The following NUTF2 variants were observed in gnomAD, a reference collection of about 807,000 sequenced individuals.
NUTF2 encodes nuclear transport factor 2, also known as placental protein 15.
A neutral mutation model predicts 18.5 loss-of-function variants in NUTF2; 3 were observed. The observed-to-expected ratio is 0.16, with a 90% CI of 0.07 to 0.42. The LOEUF (loss-of-function observed/expected upper bound fraction) is 0.42, where lower values mean the gene tolerates loss of function less well. Ranked by LOEUF, NUTF2 falls within the 10% of genes least tolerant of loss-of-function variation. NUTF2 has a pLI of 0.99. For missense variants in NUTF2, 44 were observed against 160.7 expected, an observed-to-expected ratio of 0.27 and a Z score of 3.93; for synonymous variants, 51 against 57.9, an observed-to-expected ratio of 0.88 and a Z score of 0.54.
At chr16:67,856,668 A>G (rs897184299) in intron 1 of NUTF2, among the ~76,000 whole-genome samples, 2 of 150,690 alleles carry the variant, frequency 1.3e-5, no homozygotes, top group East Asian at 2.0e-4. Context: ...GCCACCACAC[A>G]TGGCCAATTT....
chr16:67,854,865 C>T (rs981934954), intron 1 of NUTF2, among the ~76,000 whole-genome samples: 3 of 152,080 alleles, frequency 2.0e-5, no homozygotes, highest in African/African-American at 7.2e-5. Context: ...TTGCTTGAAC[C>T]TGGGAGGCGG....
At chr16:67,867,391 AAGACTC>A (rs1419363066) in intron 2 of NUTF2, among the ~76,000 whole-genome samples, 2 of 152,256 alleles carry the variant, frequency 1.3e-5, no homozygotes, top group African/African-American at 2.4e-5. Flanking sequence ...TTAGGAAACT[AAGACTC>A]AGAGAAATAA....
intron 4 of NUTF2, 166 bp from the exon 5 acceptor site, chr16:67,870,634 T>A (rs2058004964): frequency 7.7e-6 from 5 of 652,630 alleles, no homozygotes. Flanking sequence ...GTTTCATACA[T>A]TACATCAATT....
rs1158467208 is a variant in NUTF2 at position 67,872,452 on chromosome 16, G to C, written c.*1539G>C. 6.6e-6 allele frequency: 1 copy of C among 152,366 alleles called. No homozygotes were observed. Among genetic ancestry groups the C allele is most frequent in the East Asian group, 1.9e-4 (1 of 5,208 alleles). The allele number at this position is 152,366 out of a possible 1,614,324, so 9.4% of individuals were successfully genotyped here. A position where few individuals can be genotyped will look rare whatever the true frequency, so the allele number is the denominator to read the frequency against. ...TAGGCTGATGTGTATTTGGGGAAGT[G>C]GGGGTGGGGAAGAGGTAGGTGCCTG... On this transcript the variant is annotated 3_prime_UTR_variant, in exon 5 of 5. Transcript: ENST00000219169.
intron 1 of NUTF2, among the ~76,000 whole-genome samples, chr16:67,848,210 C>T (rs1050690249): frequency 6.6e-6 from 1 of 152,108 alleles, no homozygotes; most frequent in Non-Finnish European, 1.5e-5. Context: ...GGAACCAGTC[C>T]AGAGAAGACC....
intron 1 of NUTF2, among the ~76,000 whole-genome samples, chr16:67,853,296 G>A (rs541777402): frequency 4.1e-4 from 62 of 151,944 alleles, no homozygotes; most frequent in African/African-American, 1.4e-3. Context: ...GGCTCAAGCA[G>A]TCCTCCCACC....
intron 1 of NUTF2, chr16:67,847,628 T>C (rs1247883329): frequency 1.3e-5 from 2 of 152,360 alleles, no homozygotes; most frequent in African/African-American, 4.8e-5. Flanking sequence ...GAGGGCAGGG[T>C]CAGGGAATAT....
chr16:67,858,641 A>C (rs1273832077), intron 1 of NUTF2, among the ~76,000 whole-genome samples: 1 of 152,158 alleles, frequency 6.6e-6, no homozygotes, highest in African/African-American at 2.4e-5. Flanking sequence ...AGATAGAGGA[A>C]ATTGCCTGGT....
At chr16:67,865,981 G>A (rs538810026) in intron 2 of NUTF2, among the ~76,000 whole-genome samples, 1 of 152,262 alleles carries the variant, frequency 6.6e-6, no homozygotes, top group East Asian at 1.9e-4. Flanking sequence ...GCCTTCCAAC[G>A]TGCTGGGATT....
chr16:67,860,823 T>C (rs2151298159), intron 1 of NUTF2, among the ~76,000 whole-genome samples: 1 of 152,314 alleles, frequency 6.6e-6, no homozygotes, highest in Non-Finnish European at 1.5e-5. Flanking sequence ...TCTCGATCAC[T>C]CTCCTGCCTC....
At chr16:67,852,622 T>G (rs2057868395) in intron 1 of NUTF2, among the ~76,000 whole-genome samples, 2 of 152,064 alleles carry the variant, frequency 1.3e-5, no homozygotes, top group African/African-American at 4.8e-5. Flanking sequence ...CTTCCCAAAG[T>G]GCTGGGATTA....
intron 2 of NUTF2, among the ~76,000 whole-genome samples, chr16:67,866,662 T>G (rs2057974715): frequency 6.6e-6 from 1 of 152,098 alleles, no homozygotes; most frequent in Non-Finnish European, 1.5e-5. Flanking sequence ...AGATGGGATT[T>G]CACCATGTTG....
chr16:67,854,653 G>T (rs560975535), intron 1 of NUTF2, among the ~76,000 whole-genome samples: 2 of 152,190 alleles, frequency 1.3e-5, no homozygotes, highest in Non-Finnish European at 2.9e-5. Flanking sequence ...TGAAAGTTGG[G>T]CATGATTTCT....
At chr16:67,852,351 C>CT (rs75813171) in intron 1 of NUTF2, among the ~76,000 whole-genome samples, 276 of 140,566 alleles carry the variant, frequency 2.0e-3, no homozygotes, top group Middle Eastern at 7.6e-3. Flanking sequence ...ATCTTTTTTT[C>CT]TTTTTTTTTT....
At chr16:67,866,546 A>G (rs151279598) in intron 2 of NUTF2, among the ~76,000 whole-genome samples, 9 of 151,954 alleles carry the variant, frequency 5.9e-5, no homozygotes, top group South Asian at 2.1e-4. Context: ...GCTCACTGCA[A>G]TGTCCATCTC....
intron 1 of NUTF2, among the ~76,000 whole-genome samples, chr16:67,855,574 A>G (rs1465560872): frequency 1.3e-5 from 2 of 152,108 alleles, no homozygotes; most frequent in Non-Finnish European, 2.9e-5. Context: ...GTCCTCAGTA[A>G]ACTGGGGGAA....
chr16:67,869,107 G>C (rs1275354281), intron 4 of NUTF2, among the ~76,000 whole-genome samples: 1 of 148,692 alleles, frequency 6.7e-6, no homozygotes, highest in African/African-American at 2.5e-5. Flanking sequence ...TTTTTGAGAC[G>C]GAGTCTCACT....
At chr16:67,859,431 C>T (rs2057919808) in intron 1 of NUTF2, among the ~76,000 whole-genome samples, 1 of 150,706 alleles carries the variant, frequency 6.6e-6, no homozygotes, top group African/African-American at 2.4e-5. Flanking sequence ...TTCACCGCAA[C>T]CTCTGCCTCC....
chr16:67,870,924 G>A lies in NUTF2; in HGVS notation c.*11G>A. 6.3e-7 allele frequency: 1 copy of A among 1,590,610 alleles called. No individual in the cohort carries two copies. Among genetic ancestry groups the A allele is most frequent in the East Asian group, 2.2e-5 (1 of 44,752 alleles). The stretch of plus-strand genomic sequence containing the variant: ...CACAACTTTGGCTGACCTCCTCTCA[G>A]CTAGGCACTCACGCTGTTTCCTCCT... On this transcript the variant is annotated 3_prime_UTR_variant, in exon 5 of 5. Coordinates refer to ENST00000219169, the MANE Select transcript of NUTF2 (RefSeq NM_005796.3).
Sources: gnomAD v4.1 joint callset for allele counts (sites outside exome capture counted in the v4.1 genomes callset) on GRCh38, gnomAD v4.1.1 for gene constraint, MANE v1.5 for transcripts, NCBI Gene and HGNC (gene_info 2026-07-23, HGNC 2026-07-21) for gene names.